ANGPTL6: variants seen among roughly 807,000 people sequenced by gnomAD.
The protein encoded by ANGPTL6 is angiopoietin-related protein 6.
A neutral mutation model predicts 47.4 loss-of-function variants in ANGPTL6; 45 were observed. That is an observed-to-expected ratio of 0.95 (90% confidence interval 0.75 to 1.22). The LOEUF is 1.22. Ranked by LOEUF, ANGPTL6 falls within the 50% of genes most tolerant of loss-of-function variation. The pLI is 0.00. For synonymous variants in ANGPTL6, 290 were observed against 295.9 expected, an observed-to-expected ratio of 0.98 and a Z score of 0.20; for missense variants, 698 against 669.4, an observed-to-expected ratio of 1.04 and a Z score of -0.47.
chr19:10,096,072 G>T lies in ANGPTL6; in HGVS notation c.492C>A (p.Phe164Leu). Reference sequence around the variant, plus strand: ...GGGTGACGAGCTGCGCCAGCTCGCGGAACTTGACGTCCAGCTGGTGGAACC... The same window carrying T: ...GGGTGACGAGCTGCGCCAGCTCGCGTAACTTGACGTCCAGCTGGTGGAACC... Reference protein sequence around the residue: ...AARFHQLDVKFRELAQLVTQQ... With the variant: ...AARFHQLDVKLRELAQLVTQQ... The change falls in exon 2 of 6, where the codon TTC (phenylalanine) becomes TTA (leucine). Residue 164 changes from phenylalanine to leucine, a missense_variant. Physicochemically the swap from Phe to Leu is conservative, Grantham distance 22. Coordinates refer to ENST00000253109, the MANE Select transcript of ANGPTL6 (RefSeq NM_031917.3). 2.7e-6 allele frequency: 4 copies of T among 1,487,370 alleles called. No individual in the cohort carries two copies. The highest frequency in any genetic ancestry group is 3.6e-6 in the Non-Finnish European group (4 of 1,119,820). The allele number at this position is 1,487,370 out of a possible 1,614,324, so 92.1% of individuals were successfully genotyped here.
intron 1 of ANGPTL6, among the ~76,000 whole-genome samples, chr19:10,096,886 G>A (rs2088558811): frequency 6.6e-6 from 1 of 151,196 alleles, no homozygotes; most frequent in South Asian, 2.1e-4. Context: ...TTGAGACCAG[G>A]AGTTCGAGAC....
upstream of ANGPTL6, among the ~76,000 whole-genome samples, chr19:10,104,890 C>T (rs925438779): frequency 1.3e-5 from 2 of 152,168 alleles, no homozygotes; most frequent in African/African-American, 2.4e-5. Context: ...ACCTATCCAC[C>T]GCACCACAGA....
rs778151392 is a variant in ANGPTL6, at chr19:10,093,896, TA to T, written c.764-17del. ...TGCCACGGGCCTGTGGGCACAGGGATAGGGGGGAGGCACAGCCTGGGCTGAC... is the reference window on the plus strand; with the variant it reads ...TGCCACGGGCCTGTGGGCACAGGGATGGGGGGAGGCACAGCCTGGGCTGAC... On this transcript the variant is annotated splice_polypyrimidine_tract_variant and intron_variant, in intron 3 of 5. Transcript: ENST00000253109. 4.7e-5 allele frequency: 75 copies of T among 1,604,784 alleles called. No individual in the cohort carries two copies. The highest frequency in any genetic ancestry group is 3.7e-4 in the Admixed American group (22 of 60,010).
chr19:10,093,896 T>C lies in ANGPTL6; in HGVS notation c.764-16A>G, dbSNP rs2088463019. ...TGCCACGGGCCTGTGGGCACAGGGA[T>C]AGGGGGGAGGCACAGCCTGGGCTGA... On this transcript the variant is annotated splice_polypyrimidine_tract_variant and intron_variant, in intron 3 of 5. Coordinates refer to ENST00000253109, the MANE Select transcript of ANGPTL6 (RefSeq NM_031917.3). 3.7e-6 allele frequency: 6 copies of C among 1,604,670 alleles called. No individual in the cohort carries two copies. Among genetic ancestry groups the C allele is most frequent in the Admixed American group, 3.3e-5 (2 of 59,990 alleles).
At chr19:10,103,649 G>A (rs1481900966), upstream of ANGPTL6, among the ~76,000 whole-genome samples, 3 of 147,874 alleles carry the variant, frequency 2.0e-5, no homozygotes, top group African/African-American at 2.5e-5. Flanking sequence ...AATAAAGTGA[G>A]GAATTAATTA....
In ANGPTL6 at chr19:10,094,362, G is replaced by A. The variant is rs200692383; in HGVS notation, c.763+396C>T. 9.2e-5 allele frequency among the ~76,000 whole-genome samples: 14 copies of A among 152,226 alleles called. No homozygotes were observed. The East Asian group carries it at 2.7e-3, about 29-fold the overall frequency. On this transcript the variant is annotated intron_variant, in intron 3 of 5. Transcript: ENST00000253109. ...GGGGTTTCACCGTGTTAGCCAGGAT[G>A]GTCTTGATCTCCTGACCTCGTGATC...
At chr19:10,103,882 C>T (rs1472126432), upstream of ANGPTL6, among the ~76,000 whole-genome samples, 2 of 150,998 alleles carry the variant, frequency 1.3e-5, no homozygotes, top group East Asian at 3.9e-4. Context: ...ATCACGAGGT[C>T]AGCAATTCGA....
chr19:10,096,741 T>C, intron 1 of ANGPTL6, 168 bp from the exon 2 acceptor site: 1 of 511,766 alleles, frequency 2.0e-6, no homozygotes. Flanking sequence ...GATCCCACTC[T>C]GGCTTCAACA....
chr19:10,096,559 C>T lies in ANGPTL6; in HGVS notation c.5G>A (p.Gly2Glu). 2.0e-6 allele frequency: 3 copies of T among 1,508,462 alleles called. No individual in the cohort carries two copies. The highest frequency in any genetic ancestry group is 2.6e-6 in the Non-Finnish European group (3 of 1,135,778). The allele number at this position is 1,508,462 out of a possible 1,614,324, so 93.4% of individuals were successfully genotyped here. ...CTGTAGCGCACGCAGCCAGGGCTTCCCCATCGCGGCGGACCTGCAGGCAGA... is the reference window on the plus strand; with the variant it reads ...CTGTAGCGCACGCAGCCAGGGCTTCTCCATCGCGGCGGACCTGCAGGCAGA... Reference protein sequence around the residue: MGKPWLRALQLL... With the variant: MEKPWLRALQLL... Residue 2 changes from glycine (G) to glutamate (E), a missense_variant, in exon 2 of 6, where the codon GGG becomes GAG. Gly to Glu is a moderately conservative substitution (Grantham distance 98). Transcript: ENST00000253109.
chr19:10,098,490 C>G (rs1298235728), intron 1 of ANGPTL6, among the ~76,000 whole-genome samples: 1 of 152,002 alleles, frequency 6.6e-6, no homozygotes, highest in Non-Finnish European at 1.5e-5. Flanking sequence ...GAGACTGGAC[C>G]CTGCCTGATG....
At position 10,102,612 on chromosome 19, in the gene ANGPTL6, A is replaced by C; in HGVS notation, c.-55T>G. 1.0e-6 allele frequency: 1 copy of C among 984,530 alleles called. No individual in the cohort carries two copies. The highest frequency in any genetic ancestry group is 4.7e-5 in the South Asian group (1 of 21,280). 61.0% of individuals were successfully genotyped at this position (984,530 alleles called of 1,614,324 possible). A position where few individuals can be genotyped will look rare whatever the true frequency, so the allele number is the denominator to read the frequency against. ...GAATCCAGCGAAGCTCACAGAACAC[A>C]CAAGAAGTCCAAGGAAGAGCCGAGG... On this transcript the variant is annotated 5_prime_UTR_variant, in exon 1 of 6. Transcript: ENST00000253109.
chr19:10,094,509 T>C (rs1350593949), intron 3 of ANGPTL6: 2 of 552,074 alleles, frequency 3.6e-6, no homozygotes, highest in Non-Finnish European at 3.2e-6. Context: ...GTCCTGAATA[T>C]GATACTCTGA....
intron 1 of ANGPTL6, among the ~76,000 whole-genome samples, chr19:10,097,200 G>A (rs898054726): frequency 6.6e-6 from 1 of 152,122 alleles, no homozygotes; most frequent in South Asian, 2.1e-4. Flanking sequence ...GAGCCTAGGA[G>A]TTGGAGACCA....
intron 1 of ANGPTL6, among the ~76,000 whole-genome samples, chr19:10,100,447 G>T (rs1180564300): frequency 1.3e-5 from 2 of 152,040 alleles, no homozygotes; most frequent in Non-Finnish European, 2.9e-5. Context: ...TGTTGCCCAG[G>T]CTAGTCTCAA....
intron 3 of ANGPTL6, among the ~76,000 whole-genome samples, chr19:10,094,120 T>A (rs1250101265): frequency 6.6e-6 from 1 of 152,010 alleles, no homozygotes; most frequent in Non-Finnish European, 1.5e-5. Context: ...GGGTCCCTTG[T>A]CTCTAATCAA....
At position 10,093,834 on chromosome 19, in the gene ANGPTL6, C is replaced by G. The variant is rs778164883; in HGVS notation, c.810G>C (p.Gln270His). The G allele has an allele frequency of 6.2e-7, 1 of 1,612,832 alleles. No individual in the cohort carries two copies. Among genetic ancestry groups the G allele is most frequent in the African/African-American group, 1.3e-5 (1 of 75,078 alleles). ...CAEARQAGHEQSGVYELRVGR... is the reference protein window; with the variant it reads ...CAEARQAGHEHSGVYELRVGR... The stretch of plus-strand genomic sequence containing the variant: ...CCACTCGCAGTTCATACACTCCACT[C>G]TGTTCATGGCCTGCCTGGCGGGCCT... Residue 270 changes from glutamine to histidine, a missense_variant, in exon 4 of 6, where the codon CAG (glutamine) becomes CAC (histidine). Gln to His is a conservative substitution (Grantham distance 24). Coordinates refer to ENST00000253109, the MANE Select transcript of ANGPTL6 (RefSeq NM_031917.3).
At chr19:10,094,357 A>T (rs2145168360) in intron 3 of ANGPTL6, among the ~76,000 whole-genome samples, 1 of 152,274 alleles carries the variant, frequency 6.6e-6, no homozygotes, top group Non-Finnish European at 1.5e-5. Context: ...CGTGTTAGCC[A>T]GGATGGTCTT....
chr19:10,099,786 G>C (rs1242222486), intron 1 of ANGPTL6, among the ~76,000 whole-genome samples: 1 of 148,968 alleles, frequency 6.7e-6, no homozygotes, highest in Admixed American at 6.7e-5. Flanking sequence ...GCAGATTTAG[G>C]GTTGTACCTC....
At position 10,096,262 on chromosome 19, in the gene ANGPTL6, CG is replaced by C; in HGVS notation, c.301del (p.Arg101AlafsTer3). ...GEVRALRKES[R>X]GLSARLGQLR... ...CTGGCCCAGGCGCGCGCTCAGGCCGCGGCTCTCCTTGCGCAGCGCGCGCACC... is the reference window on the plus strand; with the variant it reads ...CTGGCCCAGGCGCGCGCTCAGGCCGCGCTCTCCTTGCGCAGCGCGCGCACC... On this transcript the variant is annotated frameshift_variant, in exon 2 of 6. Transcript: ENST00000253109. LOFTEE classifies it high-confidence loss of function. The C allele has an allele frequency of 8.4e-7, 1 of 1,190,652 alleles. No individual in the cohort carries two copies. The highest frequency in any genetic ancestry group is 1.0e-6 in the Non-Finnish European group (1 of 963,074). 73.8% of individuals were successfully genotyped at this position (1,190,652 alleles called of 1,614,324 possible).
Sources: allele counts gnomAD v4.1 joint callset (sites outside exome capture counted in the v4.1 genomes callset), GRCh38; gene constraint gnomAD v4.1.1; transcripts MANE v1.5; gene names NCBI Gene and HGNC (gene_info 2026-07-23, HGNC 2026-07-21).